PCDHGA6: variants seen among roughly 807,000 people sequenced by gnomAD.
PCDHGA6 encodes the protein protocadherin gamma subfamily A, 6.
A neutral mutation model predicts 60.6 loss-of-function variants in PCDHGA6; 41 were observed. The observed-to-expected ratio is 0.68, with a 90% CI of 0.53 to 0.88. PCDHGA6 has a LOEUF of 0.88. Among genes scored for constraint, PCDHGA6 ranks in the 40% least tolerant of loss-of-function variants. PCDHGA6 has a pLI of 0.00. For synonymous variants in PCDHGA6, 594 were observed against 524.4 expected, an observed-to-expected ratio of 1.13 and a Z score of -1.81; for missense variants, 1,312 against 1,203.0, an observed-to-expected ratio of 1.09 and a Z score of -1.34.
chr5:141,473,033 GGAAA>G (rs1282468299), intron 1 of PCDHGA6, among the ~76,000 whole-genome samples: 6 of 146,356 alleles, frequency 4.1e-5, no homozygotes, highest in South Asian at 2.2e-4. Flanking sequence ...AAGGAAGGAA[GGAAA>G]GAAAGAAAGA....
At chr5:141,381,826 C>CTTTTTTTTTTTTTTTTTTTTTT (rs770630741) in intron 1 of PCDHGA6, among the ~76,000 whole-genome samples, 11 of 74,280 alleles carry the variant, frequency 1.5e-4, no homozygotes, top group South Asian at 5.1e-4. Flanking sequence ...CTTTCTTCTT[C>CTTTTTTTTTTTTTTTTTTTTTT]TTTTTTTTTT....
intron 1 of PCDHGA6, chr5:141,402,966 C>T (rs749578447): frequency 6.2e-7 from 1 of 1,606,060 alleles, no homozygotes; most frequent in Non-Finnish European, 8.5e-7. Flanking sequence ...GCAGCTCCAA[C>T]CAAATGCCAG....
chr5:141,410,251 C>T, intron 1 of PCDHGA6: 1 of 1,614,016 alleles, frequency 6.2e-7, no homozygotes, highest in Non-Finnish European at 8.5e-7. Flanking sequence ...TACTCTCTGA[C>T]CCCCAGGCTG....
At chr5:141,394,446 A>C in intron 1 of PCDHGA6, 1 of 1,614,246 alleles carries the variant, frequency 6.2e-7, no homozygotes, top group Non-Finnish European at 8.5e-7. Flanking sequence ...CCTCAGCAGC[A>C]ACATGTCACT....
chr5:141,470,323 A>C (rs1029928511), intron 1 of PCDHGA6, among the ~76,000 whole-genome samples: 1 of 152,188 alleles, frequency 6.6e-6, no homozygotes, highest in African/African-American at 2.4e-5. Flanking sequence ...AAATGATCCC[A>C]TAATTTGACC....
rs200464357 is a variant in PCDHGA6 at position 141,489,983 on chromosome 5, G to A, written c.2425-4824G>A. 4.5e-5 allele frequency: 73 copies of A among 1,614,172 alleles called. No homozygotes were observed. Among genetic ancestry groups the A allele is most frequent in the Middle Eastern group, 3.3e-4 (2 of 6,062 alleles). ...CCAACCTTCCAATCCTCAGTTCTAC[G>A]TGTGGGAATCCCAGAGAATGCACCC... On this transcript the variant is annotated intron_variant, in intron 1 of 3. Coordinates refer to ENST00000517434, the MANE Select transcript of PCDHGA6 (RefSeq NM_018919.3). This position sits in a 1 kb window ranked among gnomAD's most constrained non-coding sequence, Gnocchi z 4.5.
chr5:141,421,187 A>G (rs745843422), intron 1 of PCDHGA6: 5 of 1,473,698 alleles, frequency 3.4e-6, no homozygotes, highest in Non-Finnish European at 4.5e-6. Context: ...TTCACAACCA[A>G]CCAGCTCGAG....
chr5:141,442,414 ACTT>A (rs1258523193), intron 1 of PCDHGA6: 2 of 152,190 alleles, frequency 1.3e-5, no homozygotes, highest in Non-Finnish European at 2.9e-5. Flanking sequence ...GGCTGAGTGA[ACTT>A]CTTTTTTGAA....
rs761704779 is a variant in PCDHGA6 at position 141,486,764 on chromosome 5, C to T, written c.2425-8043C>T. ...CTTTGACTATGAGCAAACCCAGACA[C>T]TGCAGTTTGAGGTGCAGGCCCGGGA... On this transcript the variant is annotated intron_variant, in intron 1 of 3. Transcript: ENST00000517434. This position sits in a 1 kb window ranked among gnomAD's most constrained non-coding sequence, Gnocchi z 5.0. 6.2e-7 allele frequency: 1 copy of T among 1,614,264 alleles called. No homozygotes were observed. The highest frequency in any genetic ancestry group is 2.2e-5 in the East Asian group (1 of 44,880).
intron 1 of PCDHGA6, chr5:141,413,792 G>C (rs1390056342): frequency 6.2e-7 from 1 of 1,613,134 alleles, no homozygotes; most frequent in South Asian, 1.1e-5. Context: ...TCCCTAGATC[G>C]CGAGGAAGAG....
intron 1 of PCDHGA6, chr5:141,379,423 A>G (rs1261037274): frequency 3.3e-5 from 5 of 152,260 alleles, no homozygotes. Context: ...CTCATGAGTT[A>G]GATGGGCTGT....
chr5:141,395,605 A>G (rs1344642467), intron 1 of PCDHGA6: 3 of 198,976 alleles, frequency 1.5e-5, no homozygotes, highest in Non-Finnish European at 3.0e-5. Context: ...CCAAACTAGA[A>G]CTTCAGAAAA....
In PCDHGA6 at chr5:141,378,383, T is replaced by G. The variant is rs559607457; in HGVS notation, c.2424+1876T>G. 8.5e-5 allele frequency: 13 copies of G among 152,064 alleles called. 1 individual carries two copies. The South Asian group carries it at 1.5e-3, about 17-fold the overall frequency. 9.4% of individuals were successfully genotyped at this position (152,064 alleles called of 1,614,324 possible). A position where few individuals can be genotyped will look rare whatever the true frequency, so the allele number is the denominator to read the frequency against. On this transcript the variant is annotated intron_variant, in intron 1 of 3. Transcript: ENST00000517434. Reference sequence around the variant, plus strand: ...ACTAAAAATACAAAAATTAGCCAGGTGGGGTGGCATGGGCCTGTAATCGCA... The same window carrying G: ...ACTAAAAATACAAAAATTAGCCAGGGGGGGTGGCATGGGCCTGTAATCGCA...
rs768206517 is a variant in PCDHGA6, at chr5:141,432,482, G to A, written c.2424+55975G>A. 10 of 1,614,060 alleles carry A rather than the reference G, an allele frequency of 6.2e-6. No homozygotes were observed. The highest frequency in any genetic ancestry group is 1.3e-5 in the African/African-American group (1 of 74,946). On this transcript the variant is annotated intron_variant, in intron 1 of 3. Coordinates refer to ENST00000517434, the MANE Select transcript of PCDHGA6 (RefSeq NM_018919.3). The surrounding 1 kb of genome is among the most constrained non-coding windows in gnomAD (Gnocchi z 6.0). ...CCTCCCCACGGACGGTTCCACTGGC[G>A]TGGAGCTGGCTCCCCGCTCCGCAGA...
intron 1 of PCDHGA6, chr5:141,383,728 G>GGT (rs1554087976): frequency 1.9e-6 from 3 of 1,613,878 alleles, no homozygotes; most frequent in Non-Finnish European, 2.5e-6. Flanking sequence ...CAATGGGGAA[G>GGT]TGACATATTC....
intron 1 of PCDHGA6, chr5:141,426,943 C>T: frequency 2.2e-6 from 1 of 456,736 alleles, no homozygotes; most frequent in Non-Finnish European, 4.4e-6. Flanking sequence ...GACCCAGTCC[C>T]AACTGGCACT....
chr5:141,417,828 A>G (rs1439385565), intron 1 of PCDHGA6: 1 of 1,521,792 alleles, frequency 6.6e-7, no homozygotes, highest in Non-Finnish European at 8.8e-7. Context: ...CCAACTGGAA[A>G]AGCGGGGACC....
At chr5:141,379,301 T>C (rs1454001720) in intron 1 of PCDHGA6, 1 of 152,244 alleles carries the variant, frequency 6.6e-6, no homozygotes, top group East Asian at 1.9e-4. Context: ...CAAAGGTATA[T>C]ACCTAAACAA....
At chr5:141,426,858 T>C (rs898486771) in intron 1 of PCDHGA6, 1 of 456,574 alleles carries the variant, frequency 2.2e-6, no homozygotes, top group Non-Finnish European at 4.4e-6. Context: ...CGCTCCAGAA[T>C]TAGTGCTGGA....
Sources: gnomAD v4.1 joint callset for allele counts (sites outside exome capture counted in the v4.1 genomes callset) on GRCh38, gnomAD v4.1.1 for gene constraint, Gnocchi (gnomAD v3.1) non-coding constraint, MANE v1.5 for transcripts, NCBI Gene and HGNC (gene_info 2026-07-23, HGNC 2026-07-21) for gene names.